Variants in MXI1 observed in about 807,000 individuals in gnomAD.
The protein encoded by MXI1 is max-interacting protein 1.
A neutral mutation model predicts 36.9 loss-of-function variants in MXI1; 18 were observed. That is an observed-to-expected ratio of 0.49 (90% CI 0.34 to 0.72). The LOEUF (loss-of-function observed/expected upper bound fraction) is 0.72. MXI1 is among the 30% of genes least tolerant of loss of function. The pLI, the probability that MXI1 is intolerant of heterozygous loss-of-function variation, is 0.01. For synonymous variants in MXI1, 160 were observed against 146.7 expected (o/e 1.09, Z -0.65); for missense variants, 304 against 379.1 (o/e 0.80, Z 1.64).
chr10:110,256,773 C>T (rs1347993364), intron 3 of MXI1, among the ~76,000 whole-genome samples: 2 of 152,028 alleles, frequency 1.3e-5, no homozygotes, highest in Non-Finnish European at 2.9e-5. Context: ...TTCATCATAC[C>T]AGTTACCACT....
chr10:110,242,047 C>G lies in MXI1; in HGVS notation c.408-2781C>G, dbSNP rs1340565906. 4.6e-5 allele frequency among the ~76,000 whole-genome samples: 7 copies of G among 151,902 alleles called. No individual in the cohort carries two copies. The East Asian group carries it at 1.4e-3, about 29-fold the overall frequency. On this transcript the variant is annotated intron_variant, in intron 2 of 5. Transcript: ENST00000332674. The stretch of plus-strand genomic sequence containing the variant: ...CTTTATGATCTTTTTGTGTTGTTTG[C>G]TGGTTTTGCTTTGGACTTCACAACT...
intron 1 of MXI1, among the ~76,000 whole-genome samples, chr10:110,211,326 G>T (rs1360265607): frequency 1.3e-5 from 2 of 152,156 alleles, no homozygotes; most frequent in Non-Finnish European, 2.9e-5. Context: ...GACGTCACGC[G>T]TTGCTGGGGC....
intron 3 of MXI1, among the ~76,000 whole-genome samples, chr10:110,260,403 T>C (rs113763251): frequency 0.054 from 7,939 of 147,866 alleles, 321 homozygotes; most frequent in Middle Eastern, 0.15. Context: ...TCTGAAGCAT[T>C]TTCCTTGATA....
intron 3 of MXI1, among the ~76,000 whole-genome samples, chr10:110,259,347 C>G (rs1856425845): frequency 6.6e-6 from 1 of 152,030 alleles, no homozygotes; most frequent in African/African-American, 2.4e-5. Context: ...GTGTTTGATT[C>G]ATAAACTGAC....
chr10:110,224,850 G>A (rs1165605663), intron 1 of MXI1, among the ~76,000 whole-genome samples: 2 of 152,074 alleles, frequency 1.3e-5, no homozygotes, highest in Non-Finnish European at 2.9e-5. Flanking sequence ...GTTTCACCAT[G>A]TTGGCAAAGC....
chr10:110,275,572 C>G (rs192961190), intron 3 of MXI1, among the ~76,000 whole-genome samples: 81 of 152,294 alleles, frequency 5.3e-4, no homozygotes, highest in African/African-American at 1.8e-3. Flanking sequence ...GCATCCATTG[C>G]TCTTGGAAGG....
intron 2 of MXI1, among the ~76,000 whole-genome samples, chr10:110,229,027 C>A (rs1331140347): frequency 1.3e-5 from 2 of 152,150 alleles, no homozygotes; most frequent in African/African-American, 4.8e-5. Flanking sequence ...CAAGACCAAC[C>A]TGGATGACAT....
At chr10:110,208,831 C>A (rs1224219744) in intron 1 of MXI1, among the ~76,000 whole-genome samples, 1 of 151,578 alleles carries the variant, frequency 6.6e-6, no homozygotes, top group Admixed American at 6.6e-5. Context: ...GAAACTTGGC[C>A]GTGGGGACGC....
intron 3 of MXI1, among the ~76,000 whole-genome samples, chr10:110,266,271 C>A (rs1379329849): frequency 6.6e-6 from 1 of 152,054 alleles, no homozygotes; most frequent in Non-Finnish European, 1.5e-5. Context: ...CCATGCCCAG[C>A]TAATTTTTTT....
rs1133195 is a variant in MXI1 at position 110,285,384 on chromosome 10, A to G, written c.*397A>G. On this transcript the variant is annotated 3_prime_UTR_variant, in exon 6 of 6. Coordinates refer to ENST00000332674, the MANE Select transcript of MXI1 (RefSeq NM_130439.3). ...GGGTTATGAACCCTTCCTGAGCTTTATGGTCCTAAAAGCAAAATAAAAACT... is the reference window on the plus strand; with the variant it reads ...GGGTTATGAACCCTTCCTGAGCTTTGTGGTCCTAAAAGCAAAATAAAAACT... The G allele has an allele frequency of 0.051, 8,037 of 157,406 alleles. 292 individuals are homozygous for G. The highest frequency in any genetic ancestry group is 0.15 in the Middle Eastern group (47 of 310). The allele number at this position is 157,406 out of a possible 1,614,324, so 9.8% of individuals were successfully genotyped here.
chr10:110,234,027 A>G (rs61882782), intron 2 of MXI1, among the ~76,000 whole-genome samples: 3,291 of 152,284 alleles, frequency 0.022, 165 homozygotes, highest in East Asian at 0.19. Flanking sequence ...AAGACAAAAT[A>G]TTATCACTCA....
chr10:110,275,032 G>C (rs762774377), intron 3 of MXI1, among the ~76,000 whole-genome samples: 2 of 151,784 alleles, frequency 1.3e-5, no homozygotes, highest in Non-Finnish European at 2.9e-5. Flanking sequence ...GGACCACCAT[G>C]CCTGGCTAAT....
intron 5 of MXI1, among the ~76,000 whole-genome samples, chr10:110,283,352 CT>C (rs1857326797): frequency 6.6e-6 from 1 of 151,912 alleles, no homozygotes; most frequent in Admixed American, 6.6e-5. Context: ...CAACCTCTGC[CT>C]CCTAAGTTCA....
At position 110,216,665 on chromosome 10, in the gene MXI1, GT is replaced by G. The variant is rs10656872; in HGVS notation, c.274+8603del. Reference sequence around the variant, plus strand: ...CCTGTCTCCCCTATCTGTGTTTAATGTTTTTTTTTTTTTTTTTTTTGGAGAC... The same window carrying G: ...CCTGTCTCCCCTATCTGTGTTTAATGTTTTTTTTTTTTTTTTTTTGGAGAC... On this transcript the variant is annotated intron_variant, in intron 1 of 5. Coordinates refer to ENST00000332674, the MANE Select transcript of MXI1 (RefSeq NM_130439.3). Among the ~76,000 whole-genome samples, 15 of 79,054 alleles carry G rather than the reference GT, an allele frequency of 1.9e-4. 1 individual carries two copies. Among genetic ancestry groups the G allele is most frequent in the African/African-American group, 8.7e-4 (11 of 12,588 alleles). The allele number at this position is 79,054 out of a possible 152,430, so 51.9% of individuals were successfully genotyped here. A position where few individuals can be genotyped will look rare whatever the true frequency, so the allele number is the denominator to read the frequency against.
At chr10:110,211,223 A>C (rs1854504771) in intron 1 of MXI1, among the ~76,000 whole-genome samples, 1 of 152,052 alleles carries the variant, frequency 6.6e-6, no homozygotes, top group African/African-American at 2.4e-5. Flanking sequence ...CCAGCTAGAG[A>C]CACATGGTTT....
At chr10:110,236,034 C>T (rs1855456123) in intron 2 of MXI1, among the ~76,000 whole-genome samples, 1 of 146,038 alleles carries the variant, frequency 6.8e-6, no homozygotes, top group South Asian at 2.2e-4. Flanking sequence ...CTATTTTCTT[C>T]TAGCAGTTTA....
chr10:110,277,243 A>G (rs1396380696), intron 3 of MXI1, among the ~76,000 whole-genome samples: 2 of 152,226 alleles, frequency 1.3e-5, no homozygotes, highest in Non-Finnish European at 2.9e-5. Flanking sequence ...TCTTGCGGTA[A>G]TGTGCTTGTT....
At chr10:110,282,075 G>A (rs1202843187) in intron 5 of MXI1, among the ~76,000 whole-genome samples, 1 of 152,190 alleles carries the variant, frequency 6.6e-6, no homozygotes, top group Non-Finnish European at 1.5e-5. Context: ...TTCATACAGG[G>A]AAGGTGGGAT....
At chr10:110,219,041 T>C (rs1050058903) in intron 1 of MXI1, among the ~76,000 whole-genome samples, 3 of 152,232 alleles carry the variant, frequency 2.0e-5, no homozygotes, top group Admixed American at 2.0e-4. Flanking sequence ...GGCTCATGCC[T>C]GTAATCCCAG....
Sources: gnomAD v4.1 joint callset for allele counts (sites outside exome capture counted in the v4.1 genomes callset) on GRCh38, gnomAD v4.1.1 for gene constraint, MANE v1.5 for transcripts, NCBI Gene and HGNC (gene_info 2026-07-23, HGNC 2026-07-21) for gene names.